TXNRD2: variants seen among roughly 807,000 people sequenced by gnomAD.
The protein encoded by TXNRD2 is thioredoxin reductase 2.
Under a neutral mutation model 70.8 loss-of-function variants are expected in TXNRD2, and 67 were observed. The ratio of observed to expected loss-of-function variants is 0.95; its 90% CI spans 0.78 to 1.16. TXNRD2 has a LOEUF of 1.16. Ranked by LOEUF, TXNRD2 falls within the 50% of genes most tolerant of loss-of-function variation. The pLI, the probability that TXNRD2 is intolerant of heterozygous loss-of-function variation, is 0.00. For synonymous variants in TXNRD2, 301 were observed against 295.8 expected, an observed-to-expected ratio of 1.02 and a Z score of -0.18; for missense variants, 644 against 719.9, an observed-to-expected ratio of 0.89 and a Z score of 1.21.
intron 8 of TXNRD2, among the ~76,000 whole-genome samples, chr22:19,909,808 C>G (rs113677444): frequency 1.7e-5 from 2 of 119,606 alleles, no homozygotes; most frequent in East Asian, 5.6e-4. Flanking sequence ...TCACACACAC[C>G]ACTCACACAC....
At chr22:19,879,378 C>T (rs1377552251) in intron 14 of TXNRD2, among the ~76,000 whole-genome samples, 12 of 152,150 alleles carry the variant, frequency 7.9e-5, no homozygotes, top group Admixed American at 3.3e-4. Context: ...CCAGCTACCA[C>T]GGCCCGGCAG....
intron 2 of TXNRD2, among the ~76,000 whole-genome samples, chr22:19,921,153 G>C (rs1252435392): frequency 6.9e-6 from 1 of 145,944 alleles, no homozygotes; most frequent in Non-Finnish European, 1.5e-5. Context: ...AGTGGCTCAC[G>C]CCTATAATCT....
At chr22:19,940,096 T>A (rs112087456) in intron 1 of TXNRD2, among the ~76,000 whole-genome samples, 1 of 151,748 alleles carries the variant, frequency 6.6e-6, no homozygotes, top group African/African-American at 2.4e-5. Context: ...ACAAAAAAAA[T>A]TAGCCAGGCG....
Position 19,932,347 on chromosome 22 carries a change from G to C in TXNRD2, c.104-1249C>G, listed in dbSNP as rs564037663. On this transcript the variant is annotated intron_variant, in intron 1 of 17. Coordinates refer to ENST00000400521, the MANE Select transcript of TXNRD2 (RefSeq NM_006440.5). ...GAATTCCTTTTGGGCTGGTTGTGGT[G>C]TCGCCTCACCTTGGTCCTCCATGGT... The C allele has an allele frequency of 9.9e-6, 16 of 1,612,608 alleles. No homozygotes were observed. In the Admixed American group the frequency reaches 2.7e-4, roughly 27 times the overall value.
At chr22:19,931,240 G>A (rs1941348801) in intron 1 of TXNRD2, 142 bp from the exon 2 acceptor site, 3 of 775,100 alleles carry the variant, frequency 3.9e-6, no homozygotes. Context: ...AGAGTGACTC[G>A]ATACACATAG....
chr22:19,881,028 T>C (rs983539189), intron 12 of TXNRD2: 2 of 524,110 alleles, frequency 3.8e-6, no homozygotes, highest in Non-Finnish European at 6.7e-6. Flanking sequence ...CTTCTGCACA[T>C]TGCTGACCTC....
At chr22:19,883,493 A>G in intron 11 of TXNRD2, 32 bp from the exon 12 acceptor site, 1 of 1,613,732 alleles carries the variant, frequency 6.2e-7, no homozygotes, top group Middle Eastern at 1.7e-4. Flanking sequence ...CTGAAAGGTT[A>G]TCTTCAGTGG....
chr22:19,893,833 C>G (rs2145964840), intron 11 of TXNRD2: 1 of 152,380 alleles, frequency 6.6e-6, no homozygotes, highest in Non-Finnish European at 1.5e-5. Context: ...CAAAATGCCA[C>G]TCCTGGCATG....
intron 8 of TXNRD2, 89 bp from the exon 9 acceptor site, chr22:19,899,157 A>G: frequency 1.9e-6 from 3 of 1,566,534 alleles, no homozygotes; most frequent in Middle Eastern, 1.7e-4. Context: ...GCCTTTGCCC[A>G]GGCCCTTGGT....
chr22:19,883,515 A>G, intron 11 of TXNRD2, 54 bp from the exon 12 acceptor site: 1 of 1,612,146 alleles, frequency 6.2e-7, no homozygotes, highest in Non-Finnish European at 8.5e-7. Flanking sequence ...TTTGACCTAG[A>G]GCGGTTGTGT....
chr22:19,896,795 C>T lies in TXNRD2; in HGVS notation c.775-1214G>A, dbSNP rs188551113. 8.6e-3 allele frequency among the ~76,000 whole-genome samples: 1,309 copies of T among 152,276 alleles called. 9 individuals are homozygous for T. The highest frequency in any genetic ancestry group is 0.017 in the Middle Eastern group (5 of 294). On this transcript the variant is annotated intron_variant, in intron 10 of 17. Coordinates refer to ENST00000400521, the MANE Select transcript of TXNRD2 (RefSeq NM_006440.5). Reference sequence around the variant, plus strand: ...GGGTGTGCCAGCTGGCTCTAGATGGCGTGTGTGGGAGTCTGGCCCGCCGGG... The same window carrying T: ...GGGTGTGCCAGCTGGCTCTAGATGGTGTGTGTGGGAGTCTGGCCCGCCGGG...
chr22:19,912,141 C>T (rs999743972), intron 7 of TXNRD2, among the ~76,000 whole-genome samples: 1 of 152,086 alleles, frequency 6.6e-6, no homozygotes, highest in Admixed American at 6.5e-5. Flanking sequence ...TGAAGAGGGG[C>T]GGCCAAGCAG....
chr22:19,916,097 G>A (rs1229048454), intron 5 of TXNRD2: 3 of 475,362 alleles, frequency 6.3e-6, no homozygotes, highest in Non-Finnish European at 1.2e-5. Context: ...AGCCAGCTCA[G>A]CACGGTCCTA....
chr22:19,923,552 C>T (rs187370031), intron 2 of TXNRD2, among the ~76,000 whole-genome samples: 2 of 152,170 alleles, frequency 1.3e-5, no homozygotes, highest in African/African-American at 2.4e-5. Context: ...TTTGGGAGGC[C>T]GAGGCGGGCA....
chr22:19,879,945 C>T (rs1485921662), intron 14 of TXNRD2, among the ~76,000 whole-genome samples: 1 of 152,188 alleles, frequency 6.6e-6, no homozygotes, highest in Non-Finnish European at 1.5e-5. Context: ...TGCTGTGACA[C>T]ATGGTGGCAG....
intron 7 of TXNRD2, among the ~76,000 whole-genome samples, chr22:19,914,456 C>G (rs546767897): frequency 6.6e-6 from 1 of 152,306 alleles, no homozygotes; most frequent in East Asian, 1.9e-4. Flanking sequence ...TGTAGGTGAA[C>G]CTGGAGGATG....
At chr22:19,918,022 G>A in intron 5 of TXNRD2, 121 bp downstream of exon 5, 1 of 846,794 alleles carries the variant, frequency 1.2e-6, no homozygotes, top group African/African-American at 1.7e-5. Flanking sequence ...CCCATGAGCA[G>A]GACATGAACC....
intron 8 of TXNRD2, among the ~76,000 whole-genome samples, chr22:19,905,543 T>G (rs1939971080): frequency 6.6e-6 from 1 of 152,068 alleles, no homozygotes; most frequent in African/African-American, 2.4e-5. Flanking sequence ...GGGCAGCCTC[T>G]GAGGGGAACA....
rs1939189206 is a variant in TXNRD2, at chr22:19,889,851, A to G, written c.949+5556T>C. ...GGCACCTGCAGACATTAGAGGGTGC[A>G]TGGTAATATGCATAAATGGTGCTGA... On this transcript the variant is annotated intron_variant, in intron 11 of 17. Coordinates refer to ENST00000400521, the MANE Select transcript of TXNRD2 (RefSeq NM_006440.5). Among the ~76,000 whole-genome samples the G allele has an allele frequency of 2.6e-5, 4 of 152,066 alleles. No individual in the cohort carries two copies. The South Asian group carries it at 6.2e-4, about 24-fold the overall frequency.
Sources: gnomAD v4.1 joint callset for allele counts (sites outside exome capture counted in the v4.1 genomes callset) on GRCh38, gnomAD v4.1.1 for gene constraint, MANE v1.5 for transcripts, NCBI Gene and HGNC (gene_info 2026-07-23, HGNC 2026-07-21) for gene names.